The following TATDN1 variants were observed in gnomAD, a reference collection of about 807,000 sequenced individuals.
TATDN1 encodes deoxyribonuclease TATDN1.
TATDN1 carries 40 observed loss-of-function variants against 46.4 expected under a neutral mutation model. The ratio of observed to expected loss-of-function variants is 0.86; its 90% CI spans 0.67 to 1.12. TATDN1 has a LOEUF of 1.12. Among genes scored for constraint, TATDN1 ranks in the 50% most tolerant of loss-of-function variants. The pLI, the probability that TATDN1 is intolerant of heterozygous loss-of-function variation, is 0.00. For synonymous variants in TATDN1, 95 were observed against 105.6 expected (o/e 0.90, Z 0.62); for missense variants, 326 against 348.4 (o/e 0.94, Z 0.51).
At chr8:124,499,629 C>T (rs1363066027) in intron 9 of TATDN1, among the ~76,000 whole-genome samples, 5 of 151,976 alleles carry the variant, frequency 3.3e-5, no homozygotes, top group East Asian at 1.9e-4. Context: ...CTGCAAGCTC[C>T]GCCTCCCGGG....
chr8:124,534,145 CAAAAAAAAAAAAAAAAA>C (rs869060230), intron 1 of TATDN1, among the ~76,000 whole-genome samples: 1,810 of 51,430 alleles, frequency 0.035, 36 homozygotes, highest in Middle Eastern at 0.15. Context: ...GACTCCGTCT[CAAAAAAAAAAAAAAAAA>C]AAAAAAAAAA....
At position 124,508,469 on chromosome 8, in the gene TATDN1, C is replaced by T. The variant is rs1390437007; in HGVS notation, c.516+5G>A. On this transcript the variant is annotated splice_donor_5th_base_variant and intron_variant, in intron 8 of 11. Coordinates refer to ENST00000276692, the MANE Select transcript of TATDN1 (RefSeq NM_032026.4). ...CTGTATTAAAAATGACTATTTTATA[C>T]TTACCACTCCCCCTACACACCGATC... 1 of 1,611,878 alleles carries T rather than the reference C, an allele frequency of 6.2e-7. No individual in the cohort carries two copies. Among genetic ancestry groups the T allele is most frequent in the South Asian group, 1.1e-5 (1 of 90,810 alleles).
At chr8:124,507,349 A>G (rs1380333426) in intron 8 of TATDN1, among the ~76,000 whole-genome samples, 4 of 152,248 alleles carry the variant, frequency 2.6e-5, no homozygotes, top group Non-Finnish European at 5.9e-5. Flanking sequence ...ACAAGAAATG[A>G]GAAAGGCAAA....
chr8:124,496,971 G>T (rs1225310073), intron 9 of TATDN1, among the ~76,000 whole-genome samples: 3 of 151,682 alleles, frequency 2.0e-5, no homozygotes, highest in Non-Finnish European at 1.5e-5. Flanking sequence ...GTTTCAACAT[G>T]TATCTCTGAG....
chr8:124,537,919 G>A (rs1479788135), intron 1 of TATDN1, among the ~76,000 whole-genome samples: 1 of 150,896 alleles, frequency 6.6e-6, no homozygotes, highest in Non-Finnish European at 1.5e-5. Context: ...AGATTTTACA[G>A]TTCCACAGGA....
At chr8:124,535,674 T>C (rs1821371184) in intron 1 of TATDN1, among the ~76,000 whole-genome samples, 1 of 152,170 alleles carries the variant, frequency 6.6e-6, no homozygotes, top group Non-Finnish European at 1.5e-5. Context: ...TTATGTGTGA[T>C]TTGGAGGAAC....
chr8:124,515,660 T>C (rs1586630746), intron 6 of TATDN1, 86 bp downstream of exon 6: 1 of 1,331,866 alleles, frequency 7.5e-7, no homozygotes, highest in South Asian at 1.3e-5. Context: ...TCATGCTTAA[T>C]CCAACTATAC....
intron 9 of TATDN1, among the ~76,000 whole-genome samples, chr8:124,495,910 A>G (rs1817430824): frequency 6.6e-6 from 1 of 152,238 alleles, no homozygotes; most frequent in Admixed American, 6.5e-5. Context: ...TTTTTAGCCC[A>G]AGACAGATTC....
intron 6 of TATDN1, among the ~76,000 whole-genome samples, chr8:124,515,235 G>T (rs992690433): frequency 6.6e-6 from 1 of 152,098 alleles, no homozygotes; most frequent in Non-Finnish European, 1.5e-5. Context: ...ATAAAAATTA[G>T]CCGGGCATGG....
At chr8:124,510,669 C>T (rs983909611) in intron 6 of TATDN1, among the ~76,000 whole-genome samples, 3 of 151,934 alleles carry the variant, frequency 2.0e-5, no homozygotes, top group Non-Finnish European at 2.9e-5. Context: ...ACAAAAAATA[C>T]AAGAATTAGC....
intron 11 of TATDN1, among the ~76,000 whole-genome samples, chr8:124,490,496 C>T (rs1427320546): frequency 4.0e-5 from 6 of 151,360 alleles, no homozygotes; most frequent in Non-Finnish European, 7.4e-5. Context: ...GGCAACAGAG[C>T]GAGACTCTCT....
intron 1 of TATDN1, among the ~76,000 whole-genome samples, chr8:124,537,780 C>A (rs537452355): frequency 6.6e-6 from 1 of 152,216 alleles, no homozygotes; most frequent in African/African-American, 2.4e-5. Flanking sequence ...CCTCCCCAAA[C>A]CCCTACTCCA....
chr8:124,537,034 C>T (rs1821486251), intron 1 of TATDN1, among the ~76,000 whole-genome samples: 1 of 152,038 alleles, frequency 6.6e-6, no homozygotes, highest in Non-Finnish European at 1.5e-5. Context: ...GGAAACCATA[C>T]AGAAAAAAAT....
chr8:124,518,733 G>A, intron 4 of TATDN1, 85 bp downstream of exon 4: 1 of 919,498 alleles, frequency 1.1e-6, no homozygotes, highest in Non-Finnish European at 1.8e-6. Context: ...ATGATCCATT[G>A]TATTGTACCT....
At chr8:124,517,081 T>C (rs1819537709) in intron 4 of TATDN1, among the ~76,000 whole-genome samples, 1 of 152,128 alleles carries the variant, frequency 6.6e-6, no homozygotes, top group East Asian at 1.9e-4. Context: ...GGATAAAATG[T>C]TCTTATATAT....
At chr8:124,503,470 AT>A (rs1818151437) in intron 9 of TATDN1, among the ~76,000 whole-genome samples, 1 of 152,220 alleles carries the variant, frequency 6.6e-6, no homozygotes, top group Non-Finnish European at 1.5e-5. Context: ...TAAACCATTA[AT>A]TTAAATATGA....
chr8:124,525,914 C>A (rs1008431902), intron 1 of TATDN1, among the ~76,000 whole-genome samples: 1 of 152,128 alleles, frequency 6.6e-6, no homozygotes, highest in Non-Finnish European at 1.5e-5. Flanking sequence ...GAAACAAAAA[C>A]CTTGGATCTG....
In TATDN1 at chr8:124,488,914, C is replaced by T. The variant is rs931093960; in HGVS notation, c.792-218G>A. The T allele has an allele frequency of 1.3e-5, 6 of 466,618 alleles. No individual in the cohort carries two copies. In the South Asian group the frequency reaches 1.3e-4, roughly 10 times the overall value. The allele number at this position is 466,618 out of a possible 1,614,324, so 28.9% of individuals were successfully genotyped here. A position where few individuals can be genotyped will look rare whatever the true frequency, so the allele number is the denominator to read the frequency against. ...TCTTGCATATAACTAGAGCTAAGAA[C>T]CAGGTTCAAGTAAATTATTAAAGCA... On this transcript the variant is annotated intron_variant, in intron 11 of 11. Coordinates refer to ENST00000276692, the MANE Select transcript of TATDN1 (RefSeq NM_032026.4).
intron 1 of TATDN1, among the ~76,000 whole-genome samples, chr8:124,537,066 A>G (rs1343060254): frequency 6.6e-6 from 1 of 152,192 alleles, no homozygotes; most frequent in African/African-American, 2.4e-5. Flanking sequence ...ATTTATTCCA[A>G]TAAAGTCACC....
Sources: allele counts gnomAD v4.1 joint callset (sites outside exome capture counted in the v4.1 genomes callset), GRCh38; gene constraint gnomAD v4.1.1; transcripts MANE v1.5; gene names NCBI Gene and HGNC (gene_info 2026-07-23, HGNC 2026-07-21).